NRXN3: variants seen among roughly 807,000 people sequenced by gnomAD.
NRXN3 encodes neurexin III.
NRXN3 carries 32 observed loss-of-function variants against 137.6 expected under a neutral mutation model. The ratio of observed to expected loss-of-function variants is 0.23; its 90% CI spans 0.18 to 0.31. The LOEUF (loss-of-function observed/expected upper bound fraction) is 0.31. Among genes scored for constraint, NRXN3 ranks in the 10% least tolerant of loss-of-function variants. The pLI is 1.00. For missense variants in NRXN3, 1,574 were observed against 2,062.5 expected, an observed-to-expected ratio of 0.76 and a Z score of 4.59; for synonymous variants, 798 against 784.5, an observed-to-expected ratio of 1.02 and a Z score of -0.29.
At chr14:78,233,998 T>G (rs912607930) in intron 1 of NRXN3, among the ~76,000 whole-genome samples, 1 of 152,186 alleles carries the variant, frequency 6.6e-6, no homozygotes, top group Non-Finnish European at 1.5e-5. Flanking sequence ...AATTGAATCA[T>G]GGGGGCAGAT....
chr14:78,919,560 C>G (rs2099265488), intron 10 of NRXN3, among the ~76,000 whole-genome samples: 1 of 152,152 alleles, frequency 6.6e-6, no homozygotes, highest in Non-Finnish European at 1.5e-5. Flanking sequence ...TAAATGACAG[C>G]AACCCTGTTC....
chr14:79,566,162 T>G lies in NRXN3; in HGVS notation c.3445-97616T>G, dbSNP rs138851561. 2.2e-3 allele frequency among the ~76,000 whole-genome samples: 337 copies of G among 152,236 alleles called. 1 individual carries two copies. Among genetic ancestry groups the G allele is most frequent in the African/African-American group, 7.5e-3 (310 of 41,526 alleles). On this transcript the variant is annotated intron_variant, in intron 16 of 20. Coordinates refer to ENST00000335750, the MANE Select transcript of NRXN3 (RefSeq NM_001330195.2). Reference sequence around the variant, plus strand: ...AGAAATCCTTAGCAGGCTCTTACCCTTATCAGAACAAAGCTATTTAGTTGC... The same window carrying G: ...AGAAATCCTTAGCAGGCTCTTACCCGTATCAGAACAAAGCTATTTAGTTGC...
intron 15 of NRXN3, among the ~76,000 whole-genome samples, chr14:79,431,597 A>G (rs1251844072): frequency 6.6e-6 from 1 of 152,194 alleles, no homozygotes; most frequent in Non-Finnish European, 1.5e-5. Flanking sequence ...ATCTAACAAA[A>G]GAAGCTTTAA....
chr14:79,324,155 G>A (rs905640015), intron 15 of NRXN3, among the ~76,000 whole-genome samples: 2 of 152,138 alleles, frequency 1.3e-5, no homozygotes, highest in Non-Finnish European at 2.9e-5. Context: ...ATTTGGCCAG[G>A]GATTGTGTTA....
chr14:78,292,153 A>G (rs1245937072), intron 3 of NRXN3, among the ~76,000 whole-genome samples: 1 of 152,204 alleles, frequency 6.6e-6, no homozygotes, highest in Non-Finnish European at 1.5e-5. Context: ...TATTCTCTGT[A>G]TTAGTCATTC....
chr14:78,442,536 A>G (rs2094293698), intron 4 of NRXN3, among the ~76,000 whole-genome samples: 1 of 152,250 alleles, frequency 6.6e-6, no homozygotes, highest in African/African-American at 2.4e-5. Flanking sequence ...TAAGCCATCC[A>G]GTCTGTGGCA....
Position 79,865,595 on chromosome 14 carries a change from A to G in NRXN3, c.*3631A>G, listed in dbSNP as rs560967275. On this transcript the variant is annotated 3_prime_UTR_variant, in exon 21 of 21. Transcript: ENST00000335750. ...GGTTCAGTGATGTCAAATTATGTAA[A>G]GTTTTTTTTTTGTTCCTGTCTTCAA... is the stretch of plus-strand genomic sequence containing the variant. The G allele has an allele frequency of 1.3e-5, 2 of 152,064 alleles. No individual in the cohort carries two copies. Among genetic ancestry groups the G allele is most frequent in the East Asian group, 3.9e-4 (2 of 5,172 alleles). 9.4% of individuals were successfully genotyped at this position (152,064 alleles called of 1,614,324 possible).
chr14:79,466,918 G>T (rs2096434189), intron 15 of NRXN3, among the ~76,000 whole-genome samples: 1 of 152,158 alleles, frequency 6.6e-6, no homozygotes, highest in African/African-American at 2.4e-5. Flanking sequence ...TTATTGCAAT[G>T]TACCCAGGCT....
intron 6 of NRXN3, chr14:78,708,697 A>G (rs1018676560): frequency 1.9e-5 from 3 of 154,360 alleles, no homozygotes; most frequent in African/African-American, 4.8e-5. Context: ...CAATGATAAC[A>G]TAATGCACCC....
chr14:78,716,964 T>C (rs1448134030), intron 8 of NRXN3, among the ~76,000 whole-genome samples: 1 of 152,184 alleles, frequency 6.6e-6, no homozygotes, highest in African/African-American at 2.4e-5. Context: ...GTGCCTGGGC[T>C]CTTTCCAAGT....
At chr14:78,996,564 C>A (rs922690921) in intron 15 of NRXN3, among the ~76,000 whole-genome samples, 1 of 152,086 alleles carries the variant, frequency 6.6e-6, no homozygotes, top group African/African-American at 2.4e-5. Flanking sequence ...CTGTGTTATT[C>A]TTTTGGGGGG....
intron 4 of NRXN3, among the ~76,000 whole-genome samples, chr14:78,534,760 A>G (rs1001250290): frequency 5.3e-5 from 8 of 152,220 alleles, no homozygotes; most frequent in Non-Finnish European, 1.0e-4. Context: ...TACAAAAGGT[A>G]GCACTTTGGT....
intron 19 of NRXN3, among the ~76,000 whole-genome samples, chr14:79,767,010 T>C (rs899466727): frequency 1.3e-5 from 2 of 152,352 alleles, no homozygotes; most frequent in Admixed American, 6.5e-5. Flanking sequence ...ATGACACTAC[T>C]TGCTCACTTG....
chr14:78,510,659 C>A (rs891745088), intron 4 of NRXN3, among the ~76,000 whole-genome samples: 1 of 152,178 alleles, frequency 6.6e-6, no homozygotes, highest in African/African-American at 2.4e-5. Flanking sequence ...TCTTTATTAA[C>A]TCTGGATAAT....
chr14:79,394,532 G>C (rs2094956568), intron 15 of NRXN3, among the ~76,000 whole-genome samples: 1 of 152,120 alleles, frequency 6.6e-6, no homozygotes. Flanking sequence ...CATTGAGATG[G>C]TGTTTACACA....
chr14:78,890,221 G>C (rs548708461), intron 10 of NRXN3, among the ~76,000 whole-genome samples: 2 of 151,980 alleles, frequency 1.3e-5, no homozygotes, highest in East Asian at 3.9e-4. Context: ...CAAGGAACAG[G>C]ATAATCTACA....
At chr14:78,594,774 A>G (rs973308785) in intron 4 of NRXN3, among the ~76,000 whole-genome samples, 2 of 152,152 alleles carry the variant, frequency 1.3e-5, no homozygotes, top group African/African-American at 4.8e-5. Context: ...TCCAGGAGAA[A>G]ACTGGCCTCT....
Position 79,219,277 on chromosome 14 carries a change from C to G in NRXN3, c.3262+231136C>G, listed in dbSNP as rs565823547. On this transcript the variant is annotated intron_variant, in intron 15 of 20. Coordinates refer to ENST00000335750, the MANE Select transcript of NRXN3 (RefSeq NM_001330195.2). The stretch of plus-strand genomic sequence containing the variant: ...AGCTAAGACTATAGGCATCAAATGC[C>G]CAGCTAATTTTATTTATTATTTATT... Among the ~76,000 whole-genome samples the G allele has an allele frequency of 4.6e-5, 7 of 152,060 alleles. No individual in the cohort carries two copies. In the South Asian group the frequency reaches 1.5e-3, roughly 32 times the overall value.
At chr14:78,963,143 G>T (rs1323474533) in intron 11 of NRXN3, among the ~76,000 whole-genome samples, 1 of 150,896 alleles carries the variant, frequency 6.6e-6, no homozygotes, top group Non-Finnish European at 1.5e-5. Context: ...TCCACGCTCA[G>T]TCTCTCTGCT....
Sources: gnomAD v4.1 joint callset for allele counts (sites outside exome capture counted in the v4.1 genomes callset) on GRCh38, gnomAD v4.1.1 for gene constraint, MANE v1.5 for transcripts, NCBI Gene and HGNC (gene_info 2026-07-23, HGNC 2026-07-21) for gene names.